DIAPH2: variants seen among roughly 807,000 people sequenced by gnomAD.
The protein encoded by DIAPH2 is protein diaphanous homolog 2.
A neutral mutation model predicts 92.7 loss-of-function variants in DIAPH2; 35 were observed. The ratio of observed to expected loss-of-function variants is 0.38; its 90% CI spans 0.29 to 0.50. The LOEUF is 0.50. DIAPH2 is among the 20% of genes least tolerant of loss of function. DIAPH2 has a pLI of 0.94. For synonymous variants in DIAPH2, 301 were observed against 280.4 expected, an observed-to-expected ratio of 1.07 and a Z score of -0.73; for missense variants, 701 against 819.5, an observed-to-expected ratio of 0.86 and a Z score of 1.77.
intron 17 of DIAPH2, among the ~76,000 whole-genome samples, chrX:96,975,997 TTCCCTCTCTCCCTCCCTCCC>T (rs1178892023): frequency 5.0e-5 from 5 of 100,042 alleles, no homozygotes; most frequent in Admixed American, 1.1e-4. Context: ...CCCTCCCTCC[TTCCCTCTCTCCCTCCCTCCC>T]TCCCTCCCTT....
At chrX:97,285,966 G>A (rs1017071674) in intron 23 of DIAPH2, among the ~76,000 whole-genome samples, 4 of 107,939 alleles carry the variant, frequency 3.7e-5, no homozygotes, top group Admixed American at 2.0e-4. Flanking sequence ...AATCTAGGCC[G>A]TTTCCATGAC....
At chrX:97,588,626 A>T (rs1276348053) in intron 26 of DIAPH2, among the ~76,000 whole-genome samples, 1 of 110,758 alleles carries the variant, frequency 9.0e-6, no homozygotes, top group Non-Finnish European at 1.9e-5. Context: ...TAACTTTTAG[A>T]ATTTATAATC....
At chrX:97,480,566 C>T (rs749700136) in intron 26 of DIAPH2, among the ~76,000 whole-genome samples, 279 of 111,403 alleles carry the variant, frequency 2.5e-3, no homozygotes, top group Middle Eastern at 4.7e-3. Context: ...TTGCAACTAC[C>T]GTAGGACATC....
chrX:97,450,147 T>G (rs903803305), intron 26 of DIAPH2, among the ~76,000 whole-genome samples: 1 of 111,621 alleles, frequency 9.0e-6, no homozygotes, highest in Non-Finnish European at 1.9e-5. Flanking sequence ...TGGCTATTGG[T>G]CCCTTTTATT....
chrX:97,448,971 C>T (rs1348097791), intron 26 of DIAPH2, among the ~76,000 whole-genome samples: 1 of 112,420 alleles, frequency 8.9e-6, no homozygotes, highest in East Asian at 2.8e-4. Flanking sequence ...TTTCAAAAAT[C>T]TACTACCCAT....
chrX:97,469,592 T>G, intron 26 of DIAPH2: 22 of 716,048 alleles, frequency 3.1e-5, no homozygotes, highest in Non-Finnish European at 4.2e-5. Flanking sequence ...GTATTATAAA[T>G]GAGCTGTTTA....
chrX:97,164,288 G>C (rs1289717581), intron 22 of DIAPH2, among the ~76,000 whole-genome samples: 1 of 111,762 alleles, frequency 8.9e-6, no homozygotes, highest in African/African-American at 3.2e-5. Flanking sequence ...AGTCATCTGG[G>C]CTGAAGTACC....
intron 17 of DIAPH2, among the ~76,000 whole-genome samples, chrX:96,970,350 G>GTTGTTTGT (rs147570185): frequency 7.6e-4 from 81 of 106,095 alleles, no homozygotes; most frequent in Middle Eastern, 9.8e-3. Context: ...TCTGGGTGTT[G>GTTGTTTGT]TTGTTTGTTT....
chrX:96,849,008 C>A (rs898507964), intron 4 of DIAPH2, among the ~76,000 whole-genome samples: 4 of 111,692 alleles, frequency 3.6e-5, no homozygotes, highest in Non-Finnish European at 7.5e-5. Context: ...CTGTCATTTG[C>A]TGATTTTTGG....
intron 21 of DIAPH2, among the ~76,000 whole-genome samples, chrX:97,138,136 T>C (rs1238233343): frequency 8.9e-6 from 1 of 112,100 alleles, no homozygotes; most frequent in Non-Finnish European, 1.9e-5. Flanking sequence ...ATTAAAATGT[T>C]GTCTGAGGCT....
chrX:97,187,280 C>CTTTTT (rs1569323905), intron 22 of DIAPH2, among the ~76,000 whole-genome samples: 3 of 10,215 alleles, frequency 2.9e-4, no homozygotes, highest in African/African-American at 3.8e-4. Flanking sequence ...AATTAAGTAG[C>CTTTTT]CTTTTTTTTT....
In DIAPH2 at chrX:96,755,771, C is replaced by T. The variant is rs746800248; in HGVS notation, c.343-2383C>T. ...CTGTAAGAGTAAAGGGATAAAAATA[C>T]TGATTTGTTTTCTTAAAAAATTTAG... On this transcript the variant is annotated intron_variant, in intron 3 of 26. Transcript: ENST00000324765. 3.6e-5 allele frequency among the ~76,000 whole-genome samples: 4 copies of T among 110,137 alleles called. No homozygotes were observed. The East Asian group carries it at 1.1e-3, about 31-fold the overall frequency.
At chrX:96,821,005 A>G (rs2064774102) in intron 4 of DIAPH2, among the ~76,000 whole-genome samples, 1 of 111,656 alleles carries the variant, frequency 9.0e-6, no homozygotes. Context: ...AAAGCCTTTA[A>G]TATTGGAAAG....
chrX:97,301,774 G>T (rs1000834649), intron 23 of DIAPH2, among the ~76,000 whole-genome samples: 1 of 111,327 alleles, frequency 9.0e-6, no homozygotes, highest in Admixed American at 9.5e-5. Context: ...ACATTCTTGC[G>T]CCAGCTCCTT....
At chrX:96,896,319 G>A (rs928120209) in intron 5 of DIAPH2, among the ~76,000 whole-genome samples, 5 of 111,413 alleles carry the variant, frequency 4.5e-5, no homozygotes, top group Admixed American at 3.8e-4. Context: ...TTCATGAAAG[G>A]AAAATAAAAT....
intron 4 of DIAPH2, among the ~76,000 whole-genome samples, chrX:96,873,014 T>A (rs1243106131): frequency 1.8e-5 from 2 of 112,079 alleles, no homozygotes; most frequent in African/African-American, 6.5e-5. Flanking sequence ...TTTTCCATAG[T>A]GGCTATACTA....
intron 23 of DIAPH2, among the ~76,000 whole-genome samples, chrX:97,274,019 G>C (rs1277457255): frequency 9.6e-6 from 1 of 104,295 alleles, no homozygotes; most frequent in Non-Finnish European, 2.0e-5. Context: ...GTGTGTGTGT[G>C]TGTGTGTGTG....
At chrX:97,276,297 G>GGGA (rs2068451426) in intron 23 of DIAPH2, among the ~76,000 whole-genome samples, 1 of 111,831 alleles carries the variant, frequency 8.9e-6, no homozygotes, top group African/African-American at 3.3e-5. Flanking sequence ...GACAGGGAGA[G>GGGA]GGAGAGGGAG....
chrX:96,715,291 CTAGG>C (rs1033856961), intron 1 of DIAPH2, among the ~76,000 whole-genome samples: 19 of 111,879 alleles, frequency 1.7e-4, no homozygotes, highest in African/African-American at 5.5e-4. Flanking sequence ...AAAAAAAAAT[CTAGG>C]TAGCAAGGCA....
Sources: allele counts gnomAD v4.1 joint callset (sites outside exome capture counted in the v4.1 genomes callset), GRCh38; gene constraint gnomAD v4.1.1; transcripts MANE v1.5; gene names NCBI Gene and HGNC (gene_info 2026-07-23, HGNC 2026-07-21).